The following DOT1L variants were observed in gnomAD, a reference collection of about 807,000 sequenced individuals.
DOT1L encodes the protein DOT1 like histone lysine methyltransferase.
A neutral mutation model predicts 153.3 loss-of-function variants in DOT1L; 33 were observed. The observed-to-expected ratio is 0.22, with a 90% CI of 0.16 to 0.29. The LOEUF (loss-of-function observed/expected upper bound fraction) is 0.29, where lower values mean the gene tolerates loss of function less well. Among genes scored for constraint, DOT1L ranks in the 10% least tolerant of loss-of-function variants. The probability of loss-of-function intolerance (pLI) is 1.00; values close to 1 mark genes in which losing one functional copy is unlikely to be tolerated. For synonymous variants in DOT1L, 1,135 were observed against 965.1 expected, an observed-to-expected ratio of 1.18 and a Z score of -3.26; for missense variants, 1,847 against 2,119.9, an observed-to-expected ratio of 0.87 and a Z score of 2.53.
chr19:2,189,135 G>A (rs570518743), intron 3 of DOT1L, among the ~76,000 whole-genome samples: 43 of 152,092 alleles, frequency 2.8e-4, no homozygotes, highest in Non-Finnish European at 5.0e-4. Context: ...CACTGCTGAC[G>A]TGACACACTG....
chr19:2,171,686 T>G lies in DOT1L; in HGVS notation c.81+7421T>G, dbSNP rs80086439. ...GGTAGCCCTGCTTTTATTTCCTGAG[T>G]GCTTCCTGGGACCATGCATGTCCGG... On this transcript the variant is annotated intron_variant, in intron 1 of 27. Transcript: ENST00000398665. Among the ~76,000 whole-genome samples, 1,228 of 152,294 alleles carry G rather than the reference T, an allele frequency of 8.1e-3. 9 individuals carry two copies. Among genetic ancestry groups the G allele is most frequent in the Non-Finnish European group, 0.013 (889 of 68,004 alleles).
chr19:2,174,373 G>C (rs2021802515), intron 1 of DOT1L, among the ~76,000 whole-genome samples: 1 of 152,182 alleles, frequency 6.6e-6, no homozygotes, highest in African/African-American at 2.4e-5. Flanking sequence ...GTGGACCTTG[G>C]GTTGAGGGTC....
chr19:2,187,792 G>A (rs956018025), intron 3 of DOT1L, among the ~76,000 whole-genome samples: 9 of 152,100 alleles, frequency 5.9e-5, no homozygotes, highest in East Asian at 5.8e-4. Context: ...CGTGGTGGCG[G>A]GTGCCTGTAG....
intron 14 of DOT1L, 75 bp downstream of exon 14, chr19:2,210,930 C>T (rs1030641909): frequency 1.3e-6 from 2 of 1,531,406 alleles, no homozygotes; most frequent in African/African-American, 1.4e-5. Context: ...TGGGACGCTG[C>T]CCTCCTGAGC....
intron 1 of DOT1L, 143 bp downstream of exon 1, chr19:2,164,408 C>T (rs1019737501): frequency 4.0e-6 from 2 of 501,710 alleles, no homozygotes; most frequent in Non-Finnish European, 6.0e-6. Flanking sequence ...TGCTCCACCC[C>T]CGTTGCTTCC....
chr19:2,174,558 C>G lies in DOT1L; in HGVS notation c.82-6155C>G, dbSNP rs559882413. 4.4e-3 allele frequency among the ~76,000 whole-genome samples: 667 copies of G among 150,678 alleles called. 10 individuals carry two copies. Among genetic ancestry groups the G allele is most frequent in the African/African-American group, 0.016 (623 of 40,058 alleles). ...AAAATTAGCTGGGTGTGGTGGCGCA[C>G]GCCTGTAATCCCAGCTACTTGGGAG... On this transcript the variant is annotated intron_variant, in intron 1 of 27. Coordinates refer to ENST00000398665, the MANE Select transcript of DOT1L (RefSeq NM_032482.3).
intron 2 of DOT1L, among the ~76,000 whole-genome samples, chr19:2,182,522 C>CT (rs1299666033): frequency 6.6e-6 from 1 of 152,202 alleles, no homozygotes; most frequent in Non-Finnish European, 1.5e-5. Context: ...GAGACCCTGT[C>CT]TCAAGAAACA....
chr19:2,203,380 G>A (rs1377491808), intron 9 of DOT1L, among the ~76,000 whole-genome samples: 2 of 152,208 alleles, frequency 1.3e-5, no homozygotes, highest in Admixed American at 6.5e-5. Flanking sequence ...GAGATTACAG[G>A]CGTGAGCCAT....
chr19:2,209,414 C>A (rs571138833), intron 12 of DOT1L, among the ~76,000 whole-genome samples: 59 of 152,366 alleles, frequency 3.9e-4, no homozygotes, highest in African/African-American at 1.4e-3. Context: ...GTGAGTTGCA[C>A]TGAAGGGCTG....
intron 9 of DOT1L, among the ~76,000 whole-genome samples, chr19:2,203,377 C>G (rs1365582255): frequency 6.6e-6 from 1 of 152,180 alleles, no homozygotes; most frequent in Non-Finnish European, 1.5e-5. Flanking sequence ...TTTGAGATTA[C>G]AGGCGTGAGC....
chr19:2,170,383 G>C (rs1308281492), intron 1 of DOT1L, among the ~76,000 whole-genome samples: 1 of 152,198 alleles, frequency 6.6e-6, no homozygotes, highest in Non-Finnish European at 1.5e-5. Context: ...GGCACGGACT[G>C]CTTGGAGCTG....
Position 2,222,277 on chromosome 19 carries a change from T to A in DOT1L, c.3108T>A (p.Asp1036Glu). 6.2e-7 allele frequency: 1 copy of A among 1,613,084 alleles called. No homozygotes were observed. ...GDLPSDSGFS[D>E]PESEAKRRIV... ...TGCCCTCCGATTCCGGCTTCTCAGA[T>A]CCTGAGAGTGAAGCCAAGAGGAGGA... The change falls in exon 24 of 28, where the codon GAT becomes GAA. Residue 1036 changes from aspartate (D) to glutamate (E), a missense_variant. By Grantham distance (45) the Asp-to-Glu change is conservative. This residue lies in a region of DOT1L where 934 missense variants were observed against 825.3 expected (regional missense o/e 1.13). Transcript: ENST00000398665. This position sits in a 1 kb window ranked among gnomAD's most constrained non-coding sequence, Gnocchi z 6.5.
chr19:2,214,059 G>A (rs1599599634), intron 18 of DOT1L, 73 bp downstream of exon 18: 10 of 1,533,240 alleles, frequency 6.5e-6, no homozygotes, highest in South Asian at 1.2e-5. Flanking sequence ...TCCTCTGTGC[G>A]GGTGGGAGGC....
intron 7 of DOT1L, among the ~76,000 whole-genome samples, chr19:2,199,533 G>A (rs987595338): frequency 3.9e-5 from 6 of 152,230 alleles, no homozygotes; most frequent in Admixed American, 3.3e-4. Flanking sequence ...CCTGAGAGTG[G>A]CTGCAGCCCC....
rs201844400 is a variant in DOT1L at position 2,210,897 on chromosome 19, C to T, written c.1351+42C>T. 102 of 1,597,654 alleles carry T rather than the reference C, an allele frequency of 6.4e-5. 1 individual carries two copies. The Admixed American group carries it at 9.3e-4, about 15-fold the overall frequency. ...CCACGGCCCCCGCTCTCCCCGAGTG[C>T]GGATGCCTGGGGTCCCCTCTGCTGG... is the stretch of plus-strand genomic sequence containing the variant. On this transcript the variant is annotated intron_variant, in intron 14 of 27. Coordinates refer to ENST00000398665, the MANE Select transcript of DOT1L (RefSeq NM_032482.3).
chr19:2,225,544 A>G (rs550990149), intron 26 of DOT1L, 92 bp downstream of exon 26: 4 of 1,343,272 alleles, frequency 3.0e-6, no homozygotes, highest in Admixed American at 1.7e-5. Context: ...GGCCCGCTGC[A>G]TCGTGTCCCG....
rs2023525884 is a variant in DOT1L at position 2,207,039 on chromosome 19, G to A, written c.856+242G>A. Among the ~76,000 whole-genome samples the A allele has an allele frequency of 1.3e-5, 2 of 152,188 alleles. No individual in the cohort carries two copies. Among genetic ancestry groups the A allele is most frequent in the South Asian group, 4.1e-4 (2 of 4,832 alleles). ...CCCATAGAGCACTGTGTGCCATGGG[G>A]GTAGAATCACTCCTCGGGGAGACCC... On this transcript the variant is annotated intron_variant, in intron 10 of 27. Coordinates refer to ENST00000398665, the MANE Select transcript of DOT1L (RefSeq NM_032482.3). The surrounding 1 kb of genome is among the most constrained non-coding windows in gnomAD (Gnocchi z 4.5).
At chr19:2,227,875 A>G (rs779248550) in intron 27 of DOT1L, 6 of 1,276,850 alleles carry the variant, frequency 4.7e-6, no homozygotes, top group Non-Finnish European at 6.1e-6. Context: ...TCTTCCTTTC[A>G]GGCCCCGGCC....
intron 2 of DOT1L, among the ~76,000 whole-genome samples, chr19:2,184,220 GC>G (rs1168108229): frequency 6.6e-6 from 1 of 152,164 alleles, no homozygotes; most frequent in Non-Finnish European, 1.5e-5. Flanking sequence ...TCGGGGCCTC[GC>G]TCGGTGCCTG....
Sources: gnomAD v4.1 joint callset for allele counts (sites outside exome capture counted in the v4.1 genomes callset) on GRCh38, gnomAD v4.1.1 for gene constraint, gnomAD v4.1.1 regional missense constraint, Gnocchi (gnomAD v3.1) non-coding constraint, MANE v1.5 for transcripts, NCBI Gene and HGNC (gene_info 2026-07-23, HGNC 2026-07-21) for gene names.